EFCAB7: variants seen among roughly 807,000 people sequenced by gnomAD.
The protein encoded by EFCAB7 is EF-hand calcium binding domain 7.
In EFCAB7, 66 loss-of-function variants were observed where a neutral mutation model predicts 77.1. The ratio of observed to expected loss-of-function variants is 0.86; its 90% CI spans 0.70 to 1.05. The LOEUF is 1.05. Among genes scored for constraint, EFCAB7 ranks in the 50% least tolerant of loss-of-function variants. The pLI is 0.00. For synonymous variants in EFCAB7, 225 were observed against 243.3 expected (o/e 0.92, Z 0.70); for missense variants, 638 against 730.5 (o/e 0.87, Z 1.46).
intron 12 of EFCAB7, 81 bp downstream of exon 12, chr1:63,568,600 T>C (rs1014809562): frequency 3.7e-6 from 4 of 1,088,720 alleles, no homozygotes; most frequent in Admixed American, 2.5e-5. Context: ...TCTATTCGTA[T>C]GTGGTAATTA....
chr1:63,535,008 A>T (rs2100877379), intron 6 of EFCAB7, among the ~76,000 whole-genome samples: 1 of 152,222 alleles, frequency 6.6e-6, no homozygotes, highest in African/African-American at 2.4e-5. Context: ...TGCATGTCCA[A>T]CATGTTCATA....
chr1:63,576,694 G>A (rs192506295), downstream of EFCAB7, among the ~76,000 whole-genome samples: 4 of 151,240 alleles, frequency 2.6e-5, no homozygotes, highest in Non-Finnish European at 5.9e-5. Flanking sequence ...TTAGCTGGGC[G>A]TGGTGGCGGG....
chr1:63,571,417 T>G (rs1373599169), intron 13 of EFCAB7, among the ~76,000 whole-genome samples: 1 of 152,088 alleles, frequency 6.6e-6, no homozygotes, highest in Non-Finnish European at 1.5e-5. Flanking sequence ...CTCACGCCTG[T>G]AATCCCAGCA....
At chr1:63,538,741 G>A (rs72679082) in intron 6 of EFCAB7, among the ~76,000 whole-genome samples, 5 of 152,168 alleles carry the variant, frequency 3.3e-5, no homozygotes, top group Middle Eastern at 3.4e-3. Flanking sequence ...GTGAGCCACC[G>A]CACCCAGCCT....
intron 10 of EFCAB7, among the ~76,000 whole-genome samples, chr1:63,560,077 C>T (rs1035874155): frequency 1.3e-5 from 2 of 152,030 alleles, no homozygotes; most frequent in African/African-American, 2.4e-5. Flanking sequence ...CTCAGCCTCC[C>T]GAGTAGCTGG....
intron 6 of EFCAB7, among the ~76,000 whole-genome samples, chr1:63,539,987 T>A (rs1646808715): frequency 2.0e-5 from 3 of 152,196 alleles, no homozygotes. Flanking sequence ...TGCCAGCATC[T>A]GTTGTTAGTC....
chr1:63,567,273 T>C (rs1047472229), intron 11 of EFCAB7, among the ~76,000 whole-genome samples: 4 of 152,130 alleles, frequency 2.6e-5, no homozygotes, highest in African/African-American at 9.7e-5. Flanking sequence ...GTCAACATGG[T>C]GAAACCTTGT....
At chr1:63,580,916 C>A in the EFCAB7 span, among the ~76,000 whole-genome samples, 1 of 151,676 alleles carries the variant, frequency 6.6e-6, no homozygotes, top group African/African-American at 2.4e-5. Context: ...ATCCTGAGAC[C>A]CTTGTTAAAC....
chr1:63,584,701 T>C, the EFCAB7 span, among the ~76,000 whole-genome samples: 1 of 152,228 alleles, frequency 6.6e-6, no homozygotes, highest in Non-Finnish European at 1.5e-5. Context: ...CTTATGATGA[T>C]CCACTTTCAC....
chr1:63,562,475 A>T (rs1290572930), intron 11 of EFCAB7, among the ~76,000 whole-genome samples: 1 of 83,282 alleles, frequency 1.2e-5, no homozygotes, highest in African/African-American at 6.0e-5. Flanking sequence ...ATATATATAT[A>T]TATATATATA....
At position 63,561,841 on chromosome 1, in the gene EFCAB7, C is replaced by A; in HGVS notation, c.1481C>A (p.Ala494Asp). ...CTACACTCTATGGGCTACAATAAAG[C>A]TCTGGAGTTGACAGAGGTAAAGTAT... ...VTLHSMGYNK[A>D]LELTEACPFV... The change falls in exon 11 of 14, where the codon GCT becomes GAT. Residue 494 changes from alanine to aspartate, a missense_variant. Ala to Asp is a moderately radical substitution (Grantham distance 126, BLOSUM62 -2). Coordinates refer to ENST00000371088, the MANE Select transcript of EFCAB7 (RefSeq NM_032437.4). The A allele has an allele frequency of 6.3e-7, 1 of 1,577,550 alleles. No individual in the cohort carries two copies. The highest frequency in any genetic ancestry group is 8.6e-7 in the Non-Finnish European group (1 of 1,162,142).
chr1:63,561,496 G>A (rs975563628), intron 10 of EFCAB7, among the ~76,000 whole-genome samples: 5 of 152,096 alleles, frequency 3.3e-5, no homozygotes, highest in African/African-American at 1.2e-4. Context: ...AAATGAAATT[G>A]TGTACTACGA....
intron 6 of EFCAB7, among the ~76,000 whole-genome samples, chr1:63,537,338 T>TA (rs1646774896): frequency 6.6e-6 from 1 of 152,158 alleles, no homozygotes; most frequent in South Asian, 2.1e-4. Context: ...TTCAGATTCT[T>TA]AGAGTATGCC....
intron 11 of EFCAB7, among the ~76,000 whole-genome samples, chr1:63,562,499 C>CT (rs371313667): frequency 0.33 from 24,001 of 73,620 alleles, 3,430 homozygotes; most frequent in African/African-American, 0.42. Context: ...ATATATAAAA[C>CT]TTTTTTTTTT....
chr1:63,576,211 T>A (rs1426767632), downstream of EFCAB7, among the ~76,000 whole-genome samples: 1 of 152,198 alleles, frequency 6.6e-6, no homozygotes, highest in Admixed American at 6.5e-5. Context: ...CCTGACACGG[T>A]GGCTCACGCC....
At chr1:63,578,446 A>ATTT in the EFCAB7 span, among the ~76,000 whole-genome samples, 7 of 141,994 alleles carry the variant, frequency 4.9e-5, no homozygotes, top group Middle Eastern at 3.7e-3. Flanking sequence ...TCTAACATAC[A>ATTT]TTTTTTTTTT....
At position 63,561,721 on chromosome 1, in the gene EFCAB7, C is replaced by A; in HGVS notation, c.1361C>A (p.Thr454Lys). 6.3e-7 allele frequency: 1 copy of A among 1,581,100 alleles called. No individual in the cohort carries two copies. The highest frequency in any genetic ancestry group is 1.2e-5 in the South Asian group (1 of 83,846). ...AWAVCRENFD[T>K]KRNELTRQGF... ...GTTGTTTAAACAGAGAATTTTGATACAAAGAGGAATGAACTAACAAGACAA... is the reference window on the plus strand; with the variant it reads ...GTTGTTTAAACAGAGAATTTTGATAAAAAGAGGAATGAACTAACAAGACAA... Residue 454 changes from threonine to lysine, a missense_variant, in exon 11 of 14, where the codon ACA becomes AAA. By Grantham distance (78) the Thr-to-Lys change is moderately conservative. Coordinates refer to ENST00000371088, the MANE Select transcript of EFCAB7 (RefSeq NM_032437.4).
downstream of EFCAB7, among the ~76,000 whole-genome samples, chr1:63,573,130 TAAAAC>T (rs978214392): frequency 9.2e-5 from 14 of 152,146 alleles, no homozygotes; most frequent in African/African-American, 2.9e-4. Context: ...ATAAGAAAAA[TAAAAC>T]AAAATAGTGT....
intron 2 of EFCAB7, among the ~76,000 whole-genome samples, chr1:63,530,774 C>T (rs1168220894): frequency 6.6e-6 from 1 of 152,122 alleles, no homozygotes; most frequent in East Asian, 1.9e-4. Flanking sequence ...TTTTTGAAAG[C>T]TTAGTACCTA....
Sources: gnomAD v4.1 joint callset for allele counts (sites outside exome capture counted in the v4.1 genomes callset) on GRCh38, gnomAD v4.1.1 for gene constraint, MANE v1.5 for transcripts, NCBI Gene and HGNC (gene_info 2026-07-23, HGNC 2026-07-21) for gene names.